ZNF277: variants seen among roughly 807,000 people sequenced by gnomAD.
ZNF277 encodes zinc finger protein 277, also known as nuclear receptor-interacting factor 4.
A neutral mutation model predicts 60.7 loss-of-function variants in ZNF277; 55 were observed. The ratio of observed to expected loss-of-function variants is 0.91; its 90% CI spans 0.73 to 1.13. ZNF277 has a LOEUF of 1.13. Ranked by LOEUF, ZNF277 falls within the 50% of genes most tolerant of loss-of-function variation. ZNF277 has a pLI of 0.00. For missense variants in ZNF277, 510 were observed against 523.0 expected (o/e 0.98, Z 0.24); for synonymous variants, 178 against 179.3 (o/e 0.99, Z 0.06).
At position 112,206,729 on chromosome 7, in the gene ZNF277, A is replaced by G. The variant is rs774174264; in HGVS notation, c.13A>G (p.Lys5Glu). 1.2e-6 allele frequency: 2 copies of G among 1,613,036 alleles called. No homozygotes were observed. The highest frequency in any genetic ancestry group is 1.1e-5 in the South Asian group (1 of 91,038). Residue 5 changes from lysine to glutamate, a missense_variant, in exon 1 of 12, where the codon AAG becomes GAG. Coordinates refer to ENST00000361822, the MANE Select transcript of ZNF277 (RefSeq NM_021994.3). ...TTTCTGCCGGGTAATGGCTGCTTCC[A>G]AGACCCAGGGGGCTGTCGCCCGAAT... The part of the protein sequence containing the change: MAAS[K>E]TQGAVARMQE...
chr7:112,295,756 T>G, intron 2 of ZNF277, 113 bp from the exon 3 acceptor site: 1 of 784,448 alleles, frequency 1.3e-6, no homozygotes, highest in Non-Finnish European at 2.1e-6. Flanking sequence ...AGTTTTAAGT[T>G]AACATTTGAT....
At chr7:112,258,077 A>G (rs890813562) in intron 1 of ZNF277, among the ~76,000 whole-genome samples, 1 of 151,440 alleles carries the variant, frequency 6.6e-6, no homozygotes, top group Admixed American at 6.7e-5. Flanking sequence ...TGTCTACTCT[A>G]TTCATTTTAA....
At chr7:112,329,108 A>G (rs1793168619) in intron 6 of ZNF277, among the ~76,000 whole-genome samples, 1 of 152,192 alleles carries the variant, frequency 6.6e-6, no homozygotes, top group East Asian at 1.9e-4. Context: ...CTACAAAAGA[A>G]TATTATTATG....
intron 1 of ZNF277, among the ~76,000 whole-genome samples, chr7:112,257,094 C>T (rs970539219): frequency 2.6e-5 from 4 of 152,210 alleles, no homozygotes; most frequent in East Asian, 1.9e-4. Flanking sequence ...TGGGATTACA[C>T]ACTTCACTGA....
At chr7:112,261,015 G>A (rs1266594141) in intron 1 of ZNF277, among the ~76,000 whole-genome samples, 15 of 152,178 alleles carry the variant, frequency 9.9e-5, no homozygotes. Context: ...CACAACAATA[G>A]GTTACCCAAC....
chr7:112,294,788 AG>A, intron 2 of ZNF277, among the ~76,000 whole-genome samples: 1 of 152,274 alleles, frequency 6.6e-6, no homozygotes, highest in East Asian at 1.9e-4. Flanking sequence ...ATTAATGTTA[AG>A]AAAAAAATTA....
chr7:112,285,745 C>A (rs1192288594), intron 1 of ZNF277, among the ~76,000 whole-genome samples: 1 of 151,860 alleles, frequency 6.6e-6, no homozygotes, highest in Non-Finnish European at 1.5e-5. Context: ...ATTCTCAAGC[C>A]ATGGTCACCA....
chr7:112,221,792 C>T (rs1404797164), intron 1 of ZNF277, among the ~76,000 whole-genome samples: 2 of 152,184 alleles, frequency 1.3e-5, no homozygotes, highest in South Asian at 2.1e-4. Flanking sequence ...ATGCAGCTCA[C>T]CTCCTGCTGT....
intron 5 of ZNF277, among the ~76,000 whole-genome samples, chr7:112,321,317 TTAA>T (rs1423809576): frequency 6.6e-6 from 1 of 152,058 alleles, no homozygotes; most frequent in African/African-American, 2.4e-5. Context: ...CTGTTTCAGG[TTAA>T]TAACAACTTA....
intron 1 of ZNF277, among the ~76,000 whole-genome samples, chr7:112,211,050 C>T (rs1471688894): frequency 3.3e-5 from 5 of 152,080 alleles, no homozygotes; most frequent in African/African-American, 9.7e-5. Flanking sequence ...TTTTTCCCTC[C>T]GAATGGGTGT....
At chr7:112,216,506 C>T (rs114952953) in intron 1 of ZNF277, among the ~76,000 whole-genome samples, 6,467 of 152,076 alleles carry the variant, frequency 0.043, 324 homozygotes, top group African/African-American at 0.12. Flanking sequence ...GATGAGGTTT[C>T]GCCATGTTGC....
At chr7:112,301,544 T>G (rs1032103437) in intron 4 of ZNF277, among the ~76,000 whole-genome samples, 54 of 152,206 alleles carry the variant, frequency 3.5e-4, no homozygotes, top group South Asian at 2.1e-4. Context: ...AACATTACTT[T>G]TCTCACATTT....
chr7:112,336,895 T>C (rs1338846259), intron 8 of ZNF277, among the ~76,000 whole-genome samples: 1 of 152,178 alleles, frequency 6.6e-6, no homozygotes, highest in African/African-American at 2.4e-5. Context: ...CAAAAGGTTA[T>C]AAATAGTAAG....
intron 1 of ZNF277, among the ~76,000 whole-genome samples, chr7:112,259,837 C>G (rs1450133182): frequency 6.6e-6 from 1 of 152,150 alleles, no homozygotes; most frequent in African/African-American, 2.4e-5. Context: ...GGATTTTGTG[C>G]AGTGTCCCAG....
intron 1 of ZNF277, among the ~76,000 whole-genome samples, chr7:112,231,602 C>A (rs1329136892): frequency 3.3e-5 from 5 of 151,898 alleles, no homozygotes; most frequent in Admixed American, 1.3e-4. Flanking sequence ...CCTTCCATCT[C>A]CCCATCCTCC....
chr7:112,279,447 G>C (rs1426563314), intron 1 of ZNF277, among the ~76,000 whole-genome samples: 1 of 152,012 alleles, frequency 6.6e-6, no homozygotes, highest in African/African-American at 2.4e-5. Context: ...CCTTTCCCTG[G>C]TGATTAGCAC....
At position 112,244,253 on chromosome 7, in the gene ZNF277, A is replaced by G. The variant is rs57708929; in HGVS notation, c.91+37446A>G. ...AGATATAGCCACATAACAAAACTAC[A>G]CTTGTACTCACTAAATATATTTTTT... On this transcript the variant is annotated intron_variant, in intron 1 of 11. Coordinates refer to ENST00000361822, the MANE Select transcript of ZNF277 (RefSeq NM_021994.3). 3.3e-3 allele frequency among the ~76,000 whole-genome samples: 500 copies of G among 152,278 alleles called. 1 individual carries two copies. The highest frequency in any genetic ancestry group is 0.012 in the African/African-American group (481 of 41,560).
chr7:112,321,218 G>T (rs1389874262), intron 5 of ZNF277, among the ~76,000 whole-genome samples: 1 of 151,822 alleles, frequency 6.6e-6, no homozygotes, highest in Non-Finnish European at 1.5e-5. Context: ...ACCGCACCCG[G>T]CTCCCTTGTT....
At chr7:112,230,820 C>T (rs900821929) in intron 1 of ZNF277, among the ~76,000 whole-genome samples, 1 of 152,066 alleles carries the variant, frequency 6.6e-6, no homozygotes, top group Non-Finnish European at 1.5e-5. Context: ...ACCAGATATT[C>T]CTAATTAAGC....
Sources: allele counts gnomAD v4.1 joint callset (sites outside exome capture counted in the v4.1 genomes callset), GRCh38; gene constraint gnomAD v4.1.1; transcripts MANE v1.5; gene names NCBI Gene and HGNC (gene_info 2026-07-23, HGNC 2026-07-21).